Variants in CASK observed in about 807,000 individuals in gnomAD.
CASK encodes calcium/calmodulin dependent serine protein kinase.
CASK carries 4 observed loss-of-function variants against 82.9 expected under a neutral mutation model. The observed-to-expected ratio is 0.05, with a 90% CI of 0.02 to 0.11. The LOEUF is 0.11. Ranked by LOEUF, CASK falls within the 10% of genes least tolerant of loss-of-function variation. CASK has a pLI of 1.00. For synonymous variants in CASK, 259 were observed against 253.5 expected, an observed-to-expected ratio of 1.02 and a Z score of -0.20; for missense variants, 358 against 720.9, an observed-to-expected ratio of 0.50 and a Z score of 5.76.
chrX:41,619,948 C>T (rs5963261), intron 11 of CASK, among the ~76,000 whole-genome samples: 29 of 112,181 alleles, frequency 2.6e-4, no homozygotes, highest in African/African-American at 8.4e-4. Flanking sequence ...TGGCAGTGGC[C>T]AGCATTAGTA....
At chrX:41,755,548 T>C (rs901378492) in intron 3 of CASK, among the ~76,000 whole-genome samples, 1 of 111,971 alleles carries the variant, frequency 8.9e-6, no homozygotes, top group Non-Finnish European at 1.9e-5. Flanking sequence ...ATTAAAAAAC[T>C]TAAAAAACTC....
At chrX:41,779,630 G>T (rs925761594) in intron 3 of CASK, among the ~76,000 whole-genome samples, 6 of 111,231 alleles carry the variant, frequency 5.4e-5, no homozygotes, top group African/African-American at 2.0e-4. Context: ...CACATAAAAA[G>T]AAAAAATCAA....
At chrX:41,728,092 G>C in intron 5 of CASK, 1 of 615,009 alleles carries the variant, frequency 1.6e-6, no homozygotes, top group East Asian at 3.7e-5. Context: ...GACTTTATTA[G>C]GGACACTAAA....
intron 1 of CASK, among the ~76,000 whole-genome samples, chrX:41,914,479 C>G (rs747240622): frequency 6.5e-4 from 73 of 111,877 alleles, no homozygotes; most frequent in African/African-American, 2.3e-3. Flanking sequence ...ATGTGGACAA[C>G]CAAAAATAGC....
chrX:41,614,493 C>CCATT (rs987064453), intron 11 of CASK, among the ~76,000 whole-genome samples: 1 of 111,356 alleles, frequency 9.0e-6, no homozygotes, highest in Admixed American at 9.5e-5. Context: ...GTTTGTTTGA[C>CCATT]CATTCGTCTG....
At chrX:41,845,103 G>C (rs770516477) in intron 2 of CASK, among the ~76,000 whole-genome samples, 1 of 111,870 alleles carries the variant, frequency 8.9e-6, no homozygotes, top group South Asian at 3.7e-4. Context: ...CTAATGCACA[G>C]TCTATCCTAG....
In CASK at chrX:41,850,525, T is replaced by C. The variant is rs779374200; in HGVS notation, c.172+2590A>G. Among the ~76,000 whole-genome samples the C allele has an allele frequency of 2.5e-4, 28 of 111,828 alleles. No individual in the cohort carries two copies. In the South Asian group the frequency reaches 6.3e-3, roughly 25 times the overall value. ...AAAAAGGAAAGAATAAAGAATAAAA[T>C]AGATTTTAAATTATCTGTTGCTTAA... On this transcript the variant is annotated intron_variant, in intron 2 of 26. Transcript: ENST00000378163.
At chrX:41,747,332 A>G (rs2068703593) in intron 3 of CASK, among the ~76,000 whole-genome samples, 1 of 111,536 alleles carries the variant, frequency 9.0e-6, no homozygotes, top group Non-Finnish European at 1.9e-5. Context: ...ATTTTCCACC[A>G]TCAGAAATAA....
At chrX:41,838,716 C>T (rs62589188) in intron 2 of CASK, among the ~76,000 whole-genome samples, 47 of 110,716 alleles carry the variant, frequency 4.2e-4, no homozygotes, top group Non-Finnish European at 7.4e-4. Context: ...GCCAAGATCG[C>T]GCCACTGAAC....
chrX:41,640,888 A>T (rs768341369), intron 8 of CASK, among the ~76,000 whole-genome samples: 1 of 111,230 alleles, frequency 9.0e-6, no homozygotes, highest in South Asian at 3.8e-4. Flanking sequence ...TATTTTTTTA[A>T]ATAAAATTAT....
At chrX:41,792,697 A>C (rs939806317) in intron 2 of CASK, among the ~76,000 whole-genome samples, 4 of 111,844 alleles carry the variant, frequency 3.6e-5, no homozygotes, top group Admixed American at 9.6e-5. Context: ...AAACAGGTAA[A>C]ATTCATTTTG....
At chrX:41,641,884 A>G (rs986482364) in intron 8 of CASK, among the ~76,000 whole-genome samples, 3 of 104,141 alleles carry the variant, frequency 2.9e-5, no homozygotes, top group African/African-American at 1.0e-4. Flanking sequence ...TCCTAATGCT[A>G]TCCCTCTCCC....
At chrX:41,760,375 T>C (rs1303317657) in intron 3 of CASK, among the ~76,000 whole-genome samples, 1 of 112,018 alleles carries the variant, frequency 8.9e-6, no homozygotes, top group Non-Finnish European at 1.9e-5. Flanking sequence ...TAATAGCAGA[T>C]AGGACTAGAA....
chrX:41,824,852 C>T (rs2070625703), intron 2 of CASK, among the ~76,000 whole-genome samples: 1 of 111,774 alleles, frequency 8.9e-6, no homozygotes, highest in African/African-American at 3.3e-5. Flanking sequence ...CTTGAGCATT[C>T]TATCTCAGCC....
chrX:41,749,278 C>A (rs2068746570), intron 3 of CASK, among the ~76,000 whole-genome samples: 1 of 106,654 alleles, frequency 9.4e-6, no homozygotes, highest in Admixed American at 1.0e-4. Context: ...AGCGAGACTC[C>A]ATCTCAAAAC....
chrX:41,824,265 A>C (rs1427603694), intron 2 of CASK, among the ~76,000 whole-genome samples: 3 of 112,274 alleles, frequency 2.7e-5, no homozygotes, highest in Non-Finnish European at 3.8e-5. Flanking sequence ...ATGTCATCAA[A>C]ACTATACTCA....
chrX:41,845,080 C>G, intron 2 of CASK, among the ~76,000 whole-genome samples: 1 of 111,626 alleles, frequency 9.0e-6, no homozygotes, highest in Non-Finnish European at 1.9e-5. Flanking sequence ...TTGATGGAGA[C>G]ATATTTGATG....
intron 14 of CASK, chrX:41,585,079 A>G (rs1462642812): frequency 8.9e-6 from 1 of 112,539 alleles, no homozygotes; most frequent in Non-Finnish European, 1.9e-5. Flanking sequence ...GCCAGCAAGC[A>G]TTAGAATGTT....
chrX:41,524,055 A>C, intron 25 of CASK, 21 bp from the exon 26 acceptor site: 6 of 1,068,336 alleles, frequency 5.6e-6, no homozygotes, highest in Non-Finnish European at 7.7e-6. Flanking sequence ...AAAAAAAAAA[A>C]AAATCCCGAC....
Sources: gnomAD v4.1 joint callset for allele counts (sites outside exome capture counted in the v4.1 genomes callset) on GRCh38, gnomAD v4.1.1 for gene constraint, MANE v1.5 for transcripts, NCBI Gene and HGNC (gene_info 2026-07-23, HGNC 2026-07-21) for gene names.